The following OLA1 variants were observed in gnomAD, a reference collection of about 807,000 sequenced individuals.
OLA1 encodes the protein Obg like ATPase 1.
Under a neutral mutation model 48.4 loss-of-function variants are expected in OLA1, and 14 were observed. That is an observed-to-expected ratio of 0.29 (90% confidence interval 0.19 to 0.45). The LOEUF is 0.45. Among genes scored for constraint, OLA1 ranks in the 20% least tolerant of loss-of-function variants. The pLI is 1.00. For synonymous variants in OLA1, 127 were observed against 150.4 expected, an observed-to-expected ratio of 0.84 and a Z score of 1.14; for missense variants, 325 against 467.1, an observed-to-expected ratio of 0.70 and a Z score of 2.80.
chr2:174,215,467 T>C (rs1237371138), intron 4 of OLA1, among the ~76,000 whole-genome samples: 1 of 152,210 alleles, frequency 6.6e-6, no homozygotes, highest in Non-Finnish European at 1.5e-5. Flanking sequence ...ACACAGACTT[T>C]TTTTCAATAA....
At chr2:174,177,875 C>T (rs1253265618) in intron 4 of OLA1, among the ~76,000 whole-genome samples, 2 of 151,716 alleles carry the variant, frequency 1.3e-5, no homozygotes, top group East Asian at 1.9e-4. Flanking sequence ...TTTTCAGATA[C>T]AACCTAAAAT....
At chr2:174,241,330 G>T (rs941454199) in intron 2 of OLA1, among the ~76,000 whole-genome samples, 8 of 152,178 alleles carry the variant, frequency 5.3e-5, no homozygotes, top group African/African-American at 1.7e-4. Flanking sequence ...TTTAAACCAT[G>T]AACTTTTGGA....
chr2:174,206,280 C>A (rs1284991469), intron 4 of OLA1, among the ~76,000 whole-genome samples: 1 of 152,160 alleles, frequency 6.6e-6, no homozygotes, highest in Non-Finnish European at 1.5e-5. Flanking sequence ...AGCCTGCAGT[C>A]CCAGCTACTC....
At chr2:174,174,143 G>A (rs982340823) in intron 4 of OLA1, among the ~76,000 whole-genome samples, 7 of 151,722 alleles carry the variant, frequency 4.6e-5, no homozygotes, top group East Asian at 3.9e-4. Flanking sequence ...TAAACTCTTC[G>A]AGGAAATCAA....
chr2:174,193,115 G>T (rs1687810671), intron 4 of OLA1, among the ~76,000 whole-genome samples: 1 of 149,224 alleles, frequency 6.7e-6, no homozygotes. Context: ...TTGAGATGGG[G>T]GTCTCGCTCT....
At chr2:174,153,948 C>G (rs1686808187) in intron 4 of OLA1, among the ~76,000 whole-genome samples, 1 of 152,230 alleles carries the variant, frequency 6.6e-6, no homozygotes, top group Admixed American at 6.5e-5. Context: ...CTCATTGCAG[C>G]CTTGATCTCC....
intron 4 of OLA1, among the ~76,000 whole-genome samples, chr2:174,154,573 G>T (rs1686828147): frequency 6.6e-6 from 1 of 152,154 alleles, no homozygotes; most frequent in East Asian, 1.9e-4. Context: ...AATTCTAGAG[G>T]AATTCAGGTC....
intron 7 of OLA1, among the ~76,000 whole-genome samples, chr2:174,106,899 G>T (rs985990198): frequency 6.6e-6 from 1 of 152,118 alleles, no homozygotes; most frequent in African/African-American, 2.4e-5. Context: ...CTCATGATGT[G>T]CTTTGCTGCT....
chr2:174,205,304 T>A (rs368160959), intron 4 of OLA1, among the ~76,000 whole-genome samples: 1 of 152,170 alleles, frequency 6.6e-6, no homozygotes. Context: ...AAAAAACAAG[T>A]TAGGAAAATG....
intron 4 of OLA1, among the ~76,000 whole-genome samples, chr2:174,212,267 A>T (rs921797763): frequency 6.6e-6 from 1 of 152,254 alleles, no homozygotes; most frequent in Non-Finnish European, 1.5e-5. Flanking sequence ...CTTGTAACAC[A>T]ATGGTAAGTA....
chr2:174,117,394 T>C (rs1685808060), intron 7 of OLA1, among the ~76,000 whole-genome samples: 1 of 152,180 alleles, frequency 6.6e-6, no homozygotes, highest in South Asian at 2.1e-4. Context: ...CCATAGCACT[T>C]GTATTTCAAA....
intron 4 of OLA1, among the ~76,000 whole-genome samples, chr2:174,142,818 A>C (rs1388890461): frequency 6.6e-6 from 1 of 152,244 alleles, no homozygotes; most frequent in Non-Finnish European, 1.5e-5. Context: ...AGTATCATAA[A>C]AAATGAACAA....
In OLA1 at chr2:174,075,186, C is replaced by A; in HGVS notation, c.*240G>T. ...TAATATGGTTCCTGAAAAGCTTCTA[C>A]AATTTGGAGTAGGGTCTTAATCACG... On this transcript the variant is annotated 3_prime_UTR_variant, in exon 11 of 11. Coordinates refer to ENST00000284719, the MANE Select transcript of OLA1 (RefSeq NM_013341.5). The A allele has an allele frequency of 2.6e-6, 1 of 385,340 alleles. No homozygotes were observed. The highest frequency in any genetic ancestry group is 4.6e-6 in the Non-Finnish European group (1 of 215,956). The allele number at this position is 385,340 out of a possible 1,614,324, so 23.9% of individuals were successfully genotyped here.
intron 4 of OLA1, among the ~76,000 whole-genome samples, chr2:174,164,823 G>A (rs554841320): frequency 6.6e-6 from 1 of 152,290 alleles, no homozygotes; most frequent in East Asian, 1.9e-4. Flanking sequence ...GACTACTGAA[G>A]GATTGATTGG....
At chr2:174,147,886 G>C (rs1281940878) in intron 4 of OLA1, among the ~76,000 whole-genome samples, 3 of 152,080 alleles carry the variant, frequency 2.0e-5, no homozygotes, top group African/African-American at 7.2e-5. Context: ...TGTAGTGGTG[G>C]GATCTCAGCT....
At chr2:174,180,922 G>A (rs1466373481) in intron 4 of OLA1, among the ~76,000 whole-genome samples, 1 of 152,150 alleles carries the variant, frequency 6.6e-6, no homozygotes, top group Non-Finnish European at 1.5e-5. Flanking sequence ...CACACCCTTT[G>A]ACTCAGTACT....
chr2:174,084,980 A>G (rs538256403), intron 7 of OLA1, among the ~76,000 whole-genome samples: 1 of 152,356 alleles, frequency 6.6e-6, no homozygotes, highest in South Asian at 2.1e-4. Context: ...GTTAAACTGT[A>G]AAGCCTTTCA....
chr2:174,231,470 T>C (rs920225564), intron 2 of OLA1, among the ~76,000 whole-genome samples: 9 of 152,140 alleles, frequency 5.9e-5, no homozygotes, highest in Admixed American at 2.6e-4. Context: ...AAAAAGGCCA[T>C]AGGTTGTTTA....
intron 5 of OLA1, among the ~76,000 whole-genome samples, chr2:174,133,906 C>T (rs1686242083): frequency 6.6e-6 from 1 of 152,168 alleles, no homozygotes; most frequent in South Asian, 2.1e-4. Context: ...CAAAATAAAG[C>T]AATGTATTCA....
Sources: gnomAD v4.1 joint callset for allele counts (sites outside exome capture counted in the v4.1 genomes callset) on GRCh38, gnomAD v4.1.1 for gene constraint, MANE v1.5 for transcripts, NCBI Gene and HGNC (gene_info 2026-07-23, HGNC 2026-07-21) for gene names.